ITGA1: variants seen among roughly 807,000 people sequenced by gnomAD.
ITGA1 encodes the protein integrin alpha-1.
In ITGA1, 85 loss-of-function variants were observed where a neutral mutation model predicts 145.9. The observed-to-expected ratio is 0.58, with a 90% CI of 0.49 to 0.70. The LOEUF (loss-of-function observed/expected upper bound fraction) is 0.70, where lower values mean the gene tolerates loss of function less well. ITGA1 is among the 30% of genes least tolerant of loss of function. The probability of loss-of-function intolerance (pLI) is 0.00; values close to 1 mark genes in which losing one functional copy is unlikely to be tolerated. For synonymous variants in ITGA1, 520 were observed against 495.3 expected, an observed-to-expected ratio of 1.05 and a Z score of -0.66; for missense variants, 1,351 against 1,418.7, an observed-to-expected ratio of 0.95 and a Z score of 0.77.
In ITGA1 at chr5:52,915,545, G is replaced by T. The variant is rs990650745; in HGVS notation, c.1939G>T (p.Gly647Cys). 5.0e-6 allele frequency: 8 copies of T among 1,614,006 alleles called. No individual in the cohort carries two copies. The East Asian group carries it at 1.8e-4, about 36-fold the overall frequency. Residue 647 changes from glycine to cysteine, a missense_variant, in exon 15 of 29, where the codon GGT becomes TGT. By Grantham distance (159) the Gly-to-Cys change is radical. Coordinates refer to ENST00000282588, the MANE Select transcript of ITGA1 (RefSeq NM_181501.2). ...CGGAGAAATGGATTTAAATGGTGAC[G>T]GTCTGACAGATGTGACTATTGGGGG... ...IHGEMDLNGD[G>C]LTDVTIGGLG...
At position 52,922,870 on chromosome 5, in the gene ITGA1, A is replaced by G; in HGVS notation, c.2386A>G (p.Asn796Asp). Residue 796 changes from asparagine (N) to aspartate (D), a missense_variant, in exon 18 of 29, where the codon AAC becomes GAC. Physicochemically the swap from Asn to Asp is conservative, Grantham distance 23 (BLOSUM62 1). Coordinates refer to ENST00000282588, the MANE Select transcript of ITGA1 (RefSeq NM_181501.2). ...GCCTGTTCTTGATGATTCTCTACCAAACTCAGTACATGAATATGTAAGTCA... is the reference window on the plus strand; with the variant it reads ...GCCTGTTCTTGATGATTCTCTACCAGACTCAGTACATGAATATGTAAGTCA... ...NGPVLDDSLP[N>D]SVHEYIPFAK... 6.3e-7 allele frequency: 1 copy of G among 1,594,194 alleles called. No homozygotes were observed. The highest frequency in any genetic ancestry group is 8.6e-7 in the Non-Finnish European group (1 of 1,161,940).
chr5:52,909,040 A>T lies in ITGA1; in HGVS notation c.1598A>T (p.Gln533Leu). ...AAAGTGTATGTGTATGCTCTCAATC[A>T]GGTAATGGTGTCTGAGTTTGGTAGA... ...QGKVYVYALN[Q>L]TRFEYQMSLE... Residue 533 changes from glutamine to leucine, a missense_variant and splice_region_variant, in exon 13 of 29, where the codon CAG becomes CTG. Transcript: ENST00000282588. 3.1e-6 allele frequency: 5 copies of T among 1,610,236 alleles called. No individual in the cohort carries two copies. The highest frequency in any genetic ancestry group is 4.2e-6 in the Non-Finnish European group (5 of 1,178,862).
At chr5:52,840,891 A>G (rs953825632) in intron 1 of ITGA1, among the ~76,000 whole-genome samples, 11 of 152,196 alleles carry the variant, frequency 7.2e-5, no homozygotes, top group African/African-American at 2.7e-4. Flanking sequence ...CTTTGTATCA[A>G]GAACTATACT....
At chr5:52,901,509 A>C (rs1432226515) in intron 11 of ITGA1, among the ~76,000 whole-genome samples, 1 of 152,216 alleles carries the variant, frequency 6.6e-6, no homozygotes, top group East Asian at 1.9e-4. Context: ...AGTATTTACA[A>C]ATTTAAAGAC....
At chr5:52,809,845 C>T (rs1165977197) in intron 1 of ITGA1, among the ~76,000 whole-genome samples, 2 of 152,072 alleles carry the variant, frequency 1.3e-5, no homozygotes, top group African/African-American at 4.8e-5. Flanking sequence ...AGAGTGGTCT[C>T]TGTAATCCCT....
intron 27 of ITGA1, among the ~76,000 whole-genome samples, chr5:52,946,426 A>G (rs563026945): frequency 1.1e-4 from 16 of 152,260 alleles, no homozygotes; most frequent in African/African-American, 3.6e-4. Context: ...GTATATGTCT[A>G]CATTCTTGCC....
chr5:52,858,186 T>G (rs537436853), intron 2 of ITGA1, among the ~76,000 whole-genome samples: 1 of 152,302 alleles, frequency 6.6e-6, no homozygotes, highest in Non-Finnish European at 1.5e-5. Context: ...ATCAAAAAGG[T>G]GATCATGTTA....
intron 14 of ITGA1, among the ~76,000 whole-genome samples, chr5:52,911,015 C>G (rs1330028767): frequency 1.9e-5 from 2 of 107,364 alleles, no homozygotes; most frequent in South Asian, 2.9e-4. Context: ...ACTGTATATA[C>G]TATATATAGT....
chr5:52,915,246 A>C (rs1750625196), intron 14 of ITGA1, among the ~76,000 whole-genome samples: 1 of 152,198 alleles, frequency 6.6e-6, no homozygotes, highest in Non-Finnish European at 1.5e-5. Context: ...CTCTGGTGTC[A>C]GTGACCTTGT....
intron 2 of ITGA1, among the ~76,000 whole-genome samples, chr5:52,853,832 T>G (rs1436773697): frequency 6.6e-6 from 1 of 152,194 alleles, no homozygotes; most frequent in Admixed American, 6.5e-5. Context: ...AGAAAGAATA[T>G]AATTGCCTTC....
chr5:52,928,357 A>T (rs1030159907), intron 20 of ITGA1, among the ~76,000 whole-genome samples: 7 of 152,196 alleles, frequency 4.6e-5, no homozygotes, highest in Non-Finnish European at 1.0e-4. Context: ...CTTCAAATAG[A>T]TTGGTTTAGA....
chr5:52,804,526 T>C (rs907906984), intron 1 of ITGA1, among the ~76,000 whole-genome samples: 2 of 152,212 alleles, frequency 1.3e-5, no homozygotes, highest in African/African-American at 4.8e-5. Context: ...TAGAGTAGCT[T>C]TGTAAAGCTC....
chr5:52,811,303 C>A (rs1331683453), intron 1 of ITGA1, among the ~76,000 whole-genome samples: 1 of 152,092 alleles, frequency 6.6e-6, no homozygotes, highest in African/African-American at 2.4e-5. Flanking sequence ...GAGTTGGTTT[C>A]TTCATCTGCA....
chr5:52,820,981 T>A (rs1748870348), intron 1 of ITGA1, among the ~76,000 whole-genome samples: 1 of 152,214 alleles, frequency 6.6e-6, no homozygotes, highest in Admixed American at 6.5e-5. Flanking sequence ...ATAGGTTTCA[T>A]GTACTCTTCA....
chr5:52,792,807 A>G (rs1001721201), intron 1 of ITGA1, among the ~76,000 whole-genome samples: 2 of 152,200 alleles, frequency 1.3e-5, no homozygotes, highest in Admixed American at 6.5e-5. Flanking sequence ...AGAAACTGAG[A>G]TGAAAGATAT....
At chr5:52,893,589 C>A in intron 8 of ITGA1, 86 bp from the exon 9 acceptor site, 1 of 1,240,244 alleles carries the variant, frequency 8.1e-7, no homozygotes, top group Non-Finnish European at 1.1e-6. Flanking sequence ...GTACTCTACA[C>A]TGTTGTTTAC....
At chr5:52,944,907 A>C (rs1352698653) in intron 26 of ITGA1, 36 bp from the exon 27 acceptor site, 1 of 1,374,544 alleles carries the variant, frequency 7.3e-7, no homozygotes, top group East Asian at 2.3e-5. Context: ...TTTGATTAGC[A>C]TCATATATTA....
At chr5:52,820,195 A>G (rs545507242) in intron 1 of ITGA1, among the ~76,000 whole-genome samples, 30 of 152,108 alleles carry the variant, frequency 2.0e-4, no homozygotes, top group African/African-American at 6.3e-4. Flanking sequence ...ATGCAGTCAT[A>G]AAAAATGATG....
chr5:52,923,072 A>G (rs77046762), intron 18 of ITGA1, among the ~76,000 whole-genome samples, 185 bp downstream of exon 18: 1,982 of 152,336 alleles, frequency 0.013, 20 homozygotes, highest in South Asian at 0.021. Flanking sequence ...CTCTTGCTCT[A>G]AAGACCTTCT....
Sources: allele counts gnomAD v4.1 joint callset (sites outside exome capture counted in the v4.1 genomes callset), GRCh38; gene constraint gnomAD v4.1.1; transcripts MANE v1.5; gene names NCBI Gene and HGNC (gene_info 2026-07-23, HGNC 2026-07-21).